The following LOC128092252 variants were observed in gnomAD, a reference collection of about 807,000 sequenced individuals.
At chr15:50,650,990 C>T in the LOC128092252 span, among the ~76,000 whole-genome samples, 14 of 152,032 alleles carry the variant, frequency 9.2e-5, no homozygotes, top group African/African-American at 3.4e-4. Context: ...GGAGTTTAGA[C>T]CAGCCCGGGC....
the LOC128092252 span, among the ~76,000 whole-genome samples, chr15:50,679,538 A>ATATTTATTT: frequency 2.3e-5 from 1 of 43,904 alleles, no homozygotes; most frequent in African/African-American, 1.1e-4. Context: ...ATATATATAT[A>ATATTTATTT]TTTTTTTTTT....
At chr15:50,679,598 C>T in the LOC128092252 span, among the ~76,000 whole-genome samples, 2 of 138,686 alleles carry the variant, frequency 1.4e-5, no homozygotes, top group African/African-American at 2.8e-5. Flanking sequence ...TGCAGTGGCG[C>T]AATCTGGAGT....
At chr15:50,656,984 G>T in the LOC128092252 span, among the ~76,000 whole-genome samples, 1 of 152,060 alleles carries the variant, frequency 6.6e-6, no homozygotes, top group Non-Finnish European at 1.5e-5. Flanking sequence ...TTAGCAACTG[G>T]TCTATTTTCT....
chr15:50,655,394 C>CT, the LOC128092252 span, among the ~76,000 whole-genome samples: 1 of 147,108 alleles, frequency 6.8e-6, no homozygotes, highest in Non-Finnish European at 1.5e-5. Context: ...GATCGCACCA[C>CT]TGCACTCCAG....
the LOC128092252 span, among the ~76,000 whole-genome samples, chr15:50,685,177 T>C: frequency 6.6e-6 from 1 of 152,236 alleles, no homozygotes; most frequent in Non-Finnish European, 1.5e-5. Flanking sequence ...AAATCTCCCA[T>C]GTTGGCCTGG....
At chr15:50,673,634 G>GTATA in the LOC128092252 span, among the ~76,000 whole-genome samples, 1,271 of 150,416 alleles carry the variant, frequency 8.4e-3, 19 homozygotes, top group African/African-American at 0.028. Flanking sequence ...GTATTCCCTC[G>GTATA]TATATATATA....
chr15:50,685,171 C>A, the LOC128092252 span, among the ~76,000 whole-genome samples: 1 of 152,224 alleles, frequency 6.6e-6, no homozygotes, highest in African/African-American at 2.4e-5. Flanking sequence ...AGTTTGAAAT[C>A]TCCCATGTTG....
chr15:50,669,400 A>G, the LOC128092252 span, among the ~76,000 whole-genome samples: 1 of 151,952 alleles, frequency 6.6e-6, no homozygotes, highest in Non-Finnish European at 1.5e-5. Context: ...ATGCCAGTGC[A>G]CTCCAGCCTG....
chr15:50,659,511 C>T, the LOC128092252 span, among the ~76,000 whole-genome samples: 16 of 152,168 alleles, frequency 1.1e-4, no homozygotes, highest in African/African-American at 3.1e-4. Flanking sequence ...AAAGAAGTGA[C>T]GAGCTAACTG....
chr15:50,665,609 T>C, the LOC128092252 span, among the ~76,000 whole-genome samples: 8 of 152,140 alleles, frequency 5.3e-5, no homozygotes, highest in Admixed American at 4.6e-4. Flanking sequence ...AAGTGAATAA[T>C]AGTGAAAATT....
At chr15:50,675,440 C>G in the LOC128092252 span, among the ~76,000 whole-genome samples, 1 of 152,080 alleles carries the variant, frequency 6.6e-6, no homozygotes, top group East Asian at 1.9e-4. Flanking sequence ...GTTTATGTAA[C>G]AGCCAAATGT....
At chr15:50,653,801 T>C in the LOC128092252 span, among the ~76,000 whole-genome samples, 3 of 152,124 alleles carry the variant, frequency 2.0e-5, no homozygotes, top group Admixed American at 6.5e-5. Flanking sequence ...TCTTTGGCCA[T>C]GGTCTAAGGT....
chr15:50,650,660 A>T, the LOC128092252 span, among the ~76,000 whole-genome samples: 1 of 151,996 alleles, frequency 6.6e-6, no homozygotes, highest in African/African-American at 2.4e-5. Flanking sequence ...GTGCCACTGC[A>T]CTCCAGGATG....
chr15:50,679,518 A>ATGTGTATATATAT, the LOC128092252 span, among the ~76,000 whole-genome samples: 1 of 17,360 alleles, frequency 5.8e-5, no homozygotes, highest in African/African-American at 1.1e-4. Context: ...TATAATATAT[A>ATGTGTATATATAT]TATATATATA....
chr15:50,651,810 C>A, the LOC128092252 span, among the ~76,000 whole-genome samples: 1 of 151,708 alleles, frequency 6.6e-6, no homozygotes, highest in Non-Finnish European at 1.5e-5. Context: ...TTACTTGAAC[C>A]CAGGAGGTGG....
the LOC128092252 span, among the ~76,000 whole-genome samples, chr15:50,683,656 A>G: frequency 6.6e-6 from 1 of 152,054 alleles, no homozygotes; most frequent in Non-Finnish European, 1.5e-5. Flanking sequence ...CGCTTGAACC[A>G]GGAGGCAGAG....
chr15:50,660,701 T>C, the LOC128092252 span, among the ~76,000 whole-genome samples: 13 of 152,226 alleles, frequency 8.5e-5, no homozygotes, highest in Non-Finnish European at 1.5e-4. Context: ...TTGATGGTGA[T>C]GGAAAATGTT....
At chr15:50,677,738 C>CAAAAAAAAAAAA in the LOC128092252 span, among the ~76,000 whole-genome samples, 2 of 38,174 alleles carry the variant, frequency 5.2e-5, no homozygotes, top group African/African-American at 8.8e-5. Flanking sequence ...GACCCCGTAT[C>CAAAAAAAAAAAA]AAAAAAAAAA....
At chr15:50,678,487 A>T in the LOC128092252 span, among the ~76,000 whole-genome samples, 1 of 133,714 alleles carries the variant, frequency 7.5e-6, no homozygotes, top group African/African-American at 2.7e-5. Flanking sequence ...TACAGACCCT[A>T]CTCTCTAGTT....
Sources: allele counts gnomAD v4.1 joint callset (sites outside exome capture counted in the v4.1 genomes callset), GRCh38; gene constraint gnomAD v4.1.1; transcripts MANE v1.5.